The following AUNIP variants were observed in gnomAD, a reference collection of about 807,000 sequenced individuals.
AUNIP encodes the protein aurora kinase A- and ninein-interacting protein.
Under a neutral mutation model 12.2 loss-of-function variants are expected in AUNIP, and 16 were observed. The observed-to-expected ratio is 1.31, with a 90% CI of 0.88 to 1.99. The LOEUF is 1.99. Ranked by LOEUF, AUNIP falls within the 30% of genes most tolerant of loss-of-function variation. The pLI is 0.00. For synonymous variants in AUNIP, 142 were observed against 154.8 expected, an observed-to-expected ratio of 0.92 and a Z score of 0.61; for missense variants, 411 against 419.1, an observed-to-expected ratio of 0.98 and a Z score of 0.17.
intron 1 of AUNIP, among the ~76,000 whole-genome samples, chr1:25,848,925 C>T (rs2048406451): frequency 1.3e-5 from 2 of 152,242 alleles, no homozygotes; most frequent in African/African-American, 2.4e-5. Flanking sequence ...CTCTATACCC[C>T]TGCCATTGGC....
At chr1:25,857,074 C>T (rs1033767717) in intron 1 of AUNIP, among the ~76,000 whole-genome samples, 2 of 152,060 alleles carry the variant, frequency 1.3e-5, no homozygotes, top group South Asian at 2.1e-4. Context: ...GTCGTGATTA[C>T]GCCACCGCAC....
intron 1 of AUNIP, among the ~76,000 whole-genome samples, chr1:25,851,908 T>C (rs1233937739): frequency 6.6e-6 from 1 of 152,060 alleles, no homozygotes; most frequent in African/African-American, 2.4e-5. Context: ...CTAATTTCTG[T>C]ATTTTTAGTA....
chr1:25,834,331 T>C lies in AUNIP; in HGVS notation c.*662A>G. On this transcript the variant is annotated 3_prime_UTR_variant, in exon 3 of 3. Transcript: ENST00000374298. ...CAGCCAGAGATTAAAAGCTCACACA[T>C]CTGGCTGGGCGCGGTGGCTTATGCC... 6.1e-6 allele frequency: 6 copies of C among 984,458 alleles called. No individual in the cohort carries two copies. The highest frequency in any genetic ancestry group is 7.2e-6 in the Non-Finnish European group (6 of 829,900). The allele number at this position is 984,458 out of a possible 1,614,324, so 61.0% of individuals were successfully genotyped here. A position where few individuals can be genotyped will look rare whatever the true frequency, so the allele number is the denominator to read the frequency against.
chr1:25,836,949 C>T (rs1378608149), intron 2 of AUNIP, among the ~76,000 whole-genome samples: 1 of 152,180 alleles, frequency 6.6e-6, no homozygotes, highest in East Asian at 1.9e-4. Context: ...AAGCAAAGAA[C>T]AGCCAAAGGA....
intron 1 of AUNIP, among the ~76,000 whole-genome samples, chr1:25,843,625 G>GAAAA (rs2048361816): frequency 8.0e-6 from 1 of 124,410 alleles, no homozygotes. Context: ...AAAAAAAAAG[G>GAAAA]GATTCATGAT....
intron 2 of AUNIP, 137 bp from the exon 3 acceptor site, chr1:25,835,983 G>GT: frequency 7.6e-7 from 1 of 1,317,620 alleles, no homozygotes; most frequent in South Asian, 1.5e-5. Context: ...ACATAACTTT[G>GT]TAGCCAATCT....
intron 1 of AUNIP, among the ~76,000 whole-genome samples, chr1:25,841,801 G>C (rs1461832436): frequency 6.6e-6 from 1 of 152,154 alleles, no homozygotes; most frequent in Non-Finnish European, 1.5e-5. Flanking sequence ...TGAGATTACA[G>C]GCGTGAGCCA....
At chr1:25,849,602 A>G (rs939032348) in intron 1 of AUNIP, among the ~76,000 whole-genome samples, 1 of 152,166 alleles carries the variant, frequency 6.6e-6, no homozygotes, top group Admixed American at 6.5e-5. Flanking sequence ...TTGCCAAATA[A>G]TATTCCATTA....
intron 1 of AUNIP, among the ~76,000 whole-genome samples, chr1:25,840,364 C>A (rs1408507717): frequency 6.6e-6 from 1 of 151,858 alleles, no homozygotes; most frequent in Non-Finnish European, 1.5e-5. Flanking sequence ...AAGGAAGAAG[C>A]AAAGTCTTAG....
chr1:25,846,777 A>G (rs2048386423), intron 1 of AUNIP, among the ~76,000 whole-genome samples: 1 of 152,242 alleles, frequency 6.6e-6, no homozygotes, highest in Non-Finnish European at 1.5e-5. Flanking sequence ...ATGCATGCAT[A>G]TCAGAGGTCA....
Position 25,835,842 on chromosome 1 carries a change from C to T in AUNIP, c.225G>A (p.Lys75=). 1 of 1,612,070 alleles carries T rather than the reference C, an allele frequency of 6.2e-7. No individual in the cohort carries two copies. The highest frequency in any genetic ancestry group is 1.3e-5 in the African/African-American group (1 of 74,946). Residue 75 remains lysine, a synonymous_variant, in exon 3 of 3, where the codon AAG becomes AAA. Coordinates refer to ENST00000374298, the MANE Select transcript of AUNIP (RefSeq NM_024037.3). ...IASFFTLQPG[K]TNGSDQKSVS... Reference sequence around the variant, plus strand: ...CACTCTTCTGGTCACTGCCATTTGTCTTTCCTAATAAAACAGGAATGAACA... The same window carrying T: ...CACTCTTCTGGTCACTGCCATTTGTTTTTCCTAATAAAACAGGAATGAACA...
At chr1:25,851,418 A>AT (rs1356883845) in intron 1 of AUNIP, among the ~76,000 whole-genome samples, 1 of 151,992 alleles carries the variant, frequency 6.6e-6, no homozygotes, top group East Asian at 1.9e-4. Flanking sequence ...CTTCTATTCT[A>AT]TTTTTTTGAG....
Position 25,834,415 on chromosome 1 carries a change from A to G in AUNIP, c.*578T>C, listed in dbSNP as rs1156908426. 3.4e-6 allele frequency: 3 copies of G among 890,110 alleles called. No homozygotes were observed. In the African/African-American group the frequency reaches 5.5e-5, roughly 16 times the overall value. 55.1% of individuals were successfully genotyped at this position (890,110 alleles called of 1,614,324 possible). ...CGGATCAGGAGGTCAGGAGATGGAGACCATCCTGGCTAATATGGTGAAACC... is the reference window on the plus strand; with the variant it reads ...CGGATCAGGAGGTCAGGAGATGGAGGCCATCCTGGCTAATATGGTGAAACC... On this transcript the variant is annotated 3_prime_UTR_variant, in exon 3 of 3. Coordinates refer to ENST00000374298, the MANE Select transcript of AUNIP (RefSeq NM_024037.3).
chr1:25,849,519 G>A (rs919482489), intron 1 of AUNIP, among the ~76,000 whole-genome samples: 1 of 152,122 alleles, frequency 6.6e-6, no homozygotes, highest in Non-Finnish European at 1.5e-5. Flanking sequence ...TTTGTGACTG[G>A]CTTCTTTCAC....
intron 1 of AUNIP, among the ~76,000 whole-genome samples, chr1:25,846,811 C>G (rs1204962107): frequency 6.6e-6 from 1 of 152,226 alleles, no homozygotes; most frequent in African/African-American, 2.4e-5. Flanking sequence ...CTCAGTTTTG[C>G]TCTAATAAGG....
chr1:25,839,838 TG>T (rs1410979877), intron 1 of AUNIP, among the ~76,000 whole-genome samples: 3 of 152,122 alleles, frequency 2.0e-5, no homozygotes, highest in Non-Finnish European at 4.4e-5. Flanking sequence ...GGCTAATTTT[TG>T]TATTTTTAGT....
intron 1 of AUNIP, among the ~76,000 whole-genome samples, chr1:25,851,268 G>A (rs2048422257): frequency 6.6e-6 from 1 of 152,028 alleles, no homozygotes; most frequent in African/African-American, 2.4e-5. Flanking sequence ...AATTTGTTTT[G>A]CTTGTATTTT....
At position 25,835,229 on chromosome 1, in the gene AUNIP, C is replaced by T. The variant is rs375507222; in HGVS notation, c.838G>A (p.Asp280Asn). ...SVFSWDNEKNDKDSWSQLFTE... is the reference protein window; with the variant it reads ...SVFSWDNEKNNKDSWSQLFTE... ...AAAAGTTGACTCCAGGAGTCCTTGTCATTCTTTTCATTGTCCCAGGAAAAC... is the reference window on the plus strand; with the variant it reads ...AAAAGTTGACTCCAGGAGTCCTTGTTATTCTTTTCATTGTCCCAGGAAAAC... The change falls in exon 3 of 3, where the codon GAC (aspartate) becomes AAC (asparagine). Residue 280 changes from aspartate (D) to asparagine (N), a missense_variant. Physicochemically the swap from Asp to Asn is conservative, Grantham distance 23. Transcript: ENST00000374298. 6 of 1,614,072 alleles carry T rather than the reference C, an allele frequency of 3.7e-6. No homozygotes were observed. The African/African-American group carries it at 6.7e-5, about 18-fold the overall frequency.
intron 1 of AUNIP, among the ~76,000 whole-genome samples, chr1:25,852,279 G>C (rs1363433255): frequency 6.6e-6 from 1 of 151,838 alleles, no homozygotes; most frequent in African/African-American, 2.4e-5. Context: ...CTAGCTAAAG[G>C]TGTGTTGAGT....
Sources: gnomAD v4.1 joint callset for allele counts (sites outside exome capture counted in the v4.1 genomes callset) on GRCh38, gnomAD v4.1.1 for gene constraint, MANE v1.5 for transcripts, NCBI Gene and HGNC (gene_info 2026-07-23, HGNC 2026-07-21) for gene names.